VMP1: variants seen among roughly 807,000 people sequenced by gnomAD.
The protein encoded by VMP1 is ectopic P-granules autophagy protein 3 homolog.
In VMP1, 11 loss-of-function variants were observed where a neutral mutation model predicts 56.0. The ratio of observed to expected loss-of-function variants is 0.20; its 90% CI spans 0.12 to 0.32. VMP1 has a LOEUF of 0.32. VMP1 is among the 10% of genes least tolerant of loss of function. The pLI is 1.00. For missense variants in VMP1, 296 were observed against 490.3 expected (o/e 0.60, Z 3.74); for synonymous variants, 149 against 165.0 (o/e 0.90, Z 0.74).
At chr17:59,824,826 T>C (rs1302704091) in intron 10 of VMP1, among the ~76,000 whole-genome samples, 2 of 147,176 alleles carry the variant, frequency 1.4e-5, no homozygotes, top group African/African-American at 5.0e-5. Context: ...TGAGCCGAGA[T>C]TGCGCCACTG....
Position 59,773,918 on chromosome 17 carries a change from T to A in VMP1, c.714+33T>A. The A allele has an allele frequency of 1.3e-6, 2 of 1,551,698 alleles. 1 individual carries two copies. The highest frequency in any genetic ancestry group is 1.7e-6 in the Non-Finnish European group (2 of 1,147,474). The stretch of plus-strand genomic sequence containing the variant: ...CAGTGGGGATAGAAAATAGAACACT[T>A]TACTTCTTCCTAAAGAGGCTATTAA... On this transcript the variant is annotated intron_variant, in intron 7 of 11. Coordinates refer to ENST00000262291, the MANE Select transcript of VMP1 (RefSeq NM_030938.5).
chr17:59,748,195 C>CAAA (rs36016640), intron 5 of VMP1, among the ~76,000 whole-genome samples: 12 of 103,106 alleles, frequency 1.2e-4, no homozygotes, highest in African/African-American at 1.7e-4. Context: ...GACTCCGTCT[C>CAAA]AAAAAAAAAA....
chr17:59,813,348 C>T (rs1048099710), intron 9 of VMP1, among the ~76,000 whole-genome samples: 1 of 152,096 alleles, frequency 6.6e-6, no homozygotes, highest in Non-Finnish European at 1.5e-5. Flanking sequence ...GAGGCCGAGG[C>T]GGGTGGATCA....
intron 10 of VMP1, chr17:59,837,775 C>T (rs1466997072): frequency 6.6e-6 from 1 of 152,220 alleles, no homozygotes; most frequent in Non-Finnish European, 1.5e-5. Flanking sequence ...AGAAAGACCG[C>T]CCCCTCTGAG....
chr17:59,719,842 A>T (rs537222731), intron 1 of VMP1, among the ~76,000 whole-genome samples: 18 of 151,748 alleles, frequency 1.2e-4, no homozygotes, highest in Admixed American at 2.6e-4. Context: ...GGAAACAAAT[A>T]AAAAAAACCC....
At chr17:59,802,115 C>T (rs897269270) in intron 7 of VMP1, among the ~76,000 whole-genome samples, 2 of 151,712 alleles carry the variant, frequency 1.3e-5, no homozygotes, top group African/African-American at 4.8e-5. Flanking sequence ...GTGTGAGAAT[C>T]GCTTGAACCC....
chr17:59,788,024 C>T (rs941304348), intron 7 of VMP1, among the ~76,000 whole-genome samples: 1 of 151,882 alleles, frequency 6.6e-6, no homozygotes, highest in Non-Finnish European at 1.5e-5. Flanking sequence ...TGCTGTCAGT[C>T]ATCAAACTAA....
At chr17:59,795,028 G>A (rs1027033643) in intron 7 of VMP1, among the ~76,000 whole-genome samples, 2 of 106,382 alleles carry the variant, frequency 1.9e-5, no homozygotes, top group African/African-American at 7.0e-5. Flanking sequence ...ACGGAGTTTC[G>A]CCCTTGTCGC....
chr17:59,832,540 C>A (rs538682113), intron 10 of VMP1, among the ~76,000 whole-genome samples: 119 of 151,854 alleles, frequency 7.8e-4, no homozygotes, highest in Non-Finnish European at 1.2e-3. Flanking sequence ...TCTCCTTCTA[C>A]TTTATGTTCT....
Position 59,731,455 on chromosome 17 carries a change from G to A in VMP1, c.9G>A (p.Glu3=). 1 of 1,593,012 alleles carries A rather than the reference G, an allele frequency of 6.3e-7. No individual in the cohort carries two copies. Residue 3 remains glutamate, a synonymous_variant, in exon 2 of 12, where the codon GAG becomes GAA. Coordinates refer to ENST00000262291, the MANE Select transcript of VMP1 (RefSeq NM_030938.5). MA[E]NGKNCDQRRV... ...AGTTACTGATCTATGAAATGGCAGA[G>A]AATGGAAAAAATTGTGACCAGAGAC...
Position 59,836,659 on chromosome 17 carries a change from C to A in VMP1, c.975-1636C>A, listed in dbSNP as rs2038990731. On this transcript the variant is annotated intron_variant, in intron 10 of 11. Coordinates refer to ENST00000262291, the MANE Select transcript of VMP1 (RefSeq NM_030938.5). ...TGTGTGCGCACACATGTGTGCGCAT[C>A]TGCCTATGTTTTGAATCCAAATCCC... Among the ~76,000 whole-genome samples, 4 of 150,488 alleles carry A rather than the reference C, an allele frequency of 2.7e-5. No individual in the cohort carries two copies. The South Asian group carries it at 8.4e-4, about 31-fold the overall frequency.
chr17:59,736,764 C>T (rs754751510), intron 3 of VMP1, among the ~76,000 whole-genome samples: 20 of 151,204 alleles, frequency 1.3e-4, no homozygotes, highest in Admixed American at 6.0e-4. Context: ...AAACAAAGCC[C>T]GGGCATGGTG....
At chr17:59,749,440 G>A (rs2035558845) in intron 5 of VMP1, among the ~76,000 whole-genome samples, 1 of 151,758 alleles carries the variant, frequency 6.6e-6, no homozygotes, top group African/African-American at 2.4e-5. Flanking sequence ...ACTCTAAAGG[G>A]CCACACTTTA....
intron 7 of VMP1, among the ~76,000 whole-genome samples, chr17:59,777,720 A>G (rs1416735972): frequency 1.3e-5 from 2 of 152,150 alleles, no homozygotes; most frequent in Non-Finnish European, 1.5e-5. Context: ...AGGCTGAGAC[A>G]GGAGAATCGC....
chr17:59,778,250 A>C (rs1598380929), intron 7 of VMP1, among the ~76,000 whole-genome samples: 1 of 152,264 alleles, frequency 6.6e-6, no homozygotes, highest in East Asian at 1.9e-4. Flanking sequence ...TATAAGAATA[A>C]GGCACTTAAG....
intron 6 of VMP1, among the ~76,000 whole-genome samples, chr17:59,772,302 A>G (rs2036456615): frequency 6.6e-6 from 1 of 151,970 alleles, no homozygotes; most frequent in African/African-American, 2.4e-5. Context: ...CTTTTTCAAA[A>G]TTCTTGTTTC....
chr17:59,836,900 T>C (rs892288545), intron 10 of VMP1, among the ~76,000 whole-genome samples: 1 of 151,890 alleles, frequency 6.6e-6, no homozygotes. Flanking sequence ...AGCAAGGAAT[T>C]GTTCTAGAAA....
At chr17:59,794,517 ATTTTTTTTTTTTT>A (rs71145572) in intron 7 of VMP1, among the ~76,000 whole-genome samples, 6 of 43,092 alleles carry the variant, frequency 1.4e-4, no homozygotes, top group Admixed American at 4.0e-4. Flanking sequence ...CGCGCCCTGC[ATTTTTTTTTTTTT>A]TTTTTTTTTT....
intron 7 of VMP1, among the ~76,000 whole-genome samples, chr17:59,803,739 TC>T (rs1476348071): frequency 1.3e-5 from 2 of 152,182 alleles, no homozygotes; most frequent in Non-Finnish European, 2.9e-5. Flanking sequence ...CCCACAATAC[TC>T]CAAAACTATT....
Sources: allele counts gnomAD v4.1 joint callset (sites outside exome capture counted in the v4.1 genomes callset), GRCh38; gene constraint gnomAD v4.1.1; transcripts MANE v1.5; gene names NCBI Gene and HGNC (gene_info 2026-07-23, HGNC 2026-07-21).